Variants in SLC4A8 observed in about 807,000 individuals in gnomAD.
The protein encoded by SLC4A8 is solute carrier family 4 member 8, also known as electroneutral sodium bicarbonate exchanger 1.
Under a neutral mutation model 125.0 loss-of-function variants are expected in SLC4A8, and 40 were observed. That is an observed-to-expected ratio of 0.32 (90% CI 0.25 to 0.42). The LOEUF is 0.42. Among genes scored for constraint, SLC4A8 ranks in the 10% least tolerant of loss-of-function variants. The pLI, the probability that SLC4A8 is intolerant of heterozygous loss-of-function variation, is 1.00. For missense variants in SLC4A8, 863 were observed against 1,355.1 expected, an observed-to-expected ratio of 0.64 and a Z score of 5.70; for synonymous variants, 456 against 476.0, an observed-to-expected ratio of 0.96 and a Z score of 0.55.
At chr12:51,400,737 T>TAC (rs1948359451) in intron 1 of SLC4A8, among the ~76,000 whole-genome samples, 1 of 352 alleles carries the variant, frequency 2.8e-3, no homozygotes, top group Admixed American at 0.025. Flanking sequence ...TATATATATA[T>TAC]ATATATATAT....
At chr12:51,486,128 T>C (rs1325525941) in intron 17 of SLC4A8, among the ~76,000 whole-genome samples, 1 of 152,078 alleles carries the variant, frequency 6.6e-6, no homozygotes, top group Non-Finnish European at 1.5e-5. Flanking sequence ...GAATGAAAAG[T>C]ATTATTATTA....
intron 13 of SLC4A8, among the ~76,000 whole-genome samples, chr12:51,471,068 A>T (rs750903619): frequency 6.6e-6 from 1 of 152,112 alleles, no homozygotes; most frequent in Non-Finnish European, 1.5e-5. Flanking sequence ...TATATGAGAC[A>T]ATTTCTTTTT....
intron 13 of SLC4A8, 111 bp from the exon 14 acceptor site, chr12:51,471,176 T>C (rs940067083): frequency 1.5e-5 from 15 of 981,940 alleles, no homozygotes; most frequent in Non-Finnish European, 2.0e-5. Context: ...GAATTAGGGA[T>C]AAACTGGGTT....
At chr12:51,393,544 T>C (rs1948201331) in intron 1 of SLC4A8, among the ~76,000 whole-genome samples, 1 of 152,200 alleles carries the variant, frequency 6.6e-6, no homozygotes, top group Admixed American at 6.5e-5. Context: ...TTTTCTAACC[T>C]GAGACTCCAA....
In SLC4A8 at chr12:51,471,425, C is replaced by A; in HGVS notation, c.1797C>A (p.Ser599=). 1 of 1,614,150 alleles carries A rather than the reference C, an allele frequency of 6.2e-7. No individual in the cohort carries two copies. Among genetic ancestry groups the A allele is most frequent in the Non-Finnish European group, 8.5e-7 (1 of 1,180,018 alleles). ...GTTTCACTGAAGAAGCATTTGCCTC[C>A]CTAATTTGCATTATTTTCATCTATG... ...ITRFTEEAFA[S]LICIIFIYEA... The change falls in exon 14 of 25, where the codon TCC becomes TCA. Residue 599 remains serine (S), a synonymous_variant. Coordinates refer to ENST00000453097, the MANE Select transcript of SLC4A8 (RefSeq NM_001039960.3).
intron 1 of SLC4A8, among the ~76,000 whole-genome samples, chr12:51,426,331 C>T (rs115482769): frequency 0.015 from 2,244 of 152,262 alleles, 72 homozygotes; most frequent in African/African-American, 0.052. Context: ...TATTCAATCT[C>T]TGTTTGGGAT....
At chr12:51,400,738 A>G (rs1221764728) in intron 1 of SLC4A8, among the ~76,000 whole-genome samples, 14 of 296 alleles carry the variant, frequency 0.047, 1 homozygote, top group Admixed American at 0.18. Flanking sequence ...ATATATATAT[A>G]TATATATATA....
chr12:51,503,315 C>T (rs1592282503), intron 22 of SLC4A8, among the ~76,000 whole-genome samples: 2 of 151,670 alleles, frequency 1.3e-5, no homozygotes, highest in East Asian at 1.9e-4. Context: ...ACCTCCGACT[C>T]CCGGGTTCAC....
chr12:51,442,160 G>A (rs1391072457), intron 2 of SLC4A8, among the ~76,000 whole-genome samples: 1 of 152,146 alleles, frequency 6.6e-6, no homozygotes, highest in African/African-American at 2.4e-5. Context: ...GTGAGGCTGG[G>A]GAGAGAATCC....
intron 17 of SLC4A8, among the ~76,000 whole-genome samples, chr12:51,488,358 G>T (rs1266171647): frequency 6.6e-6 from 1 of 152,160 alleles, no homozygotes; most frequent in Non-Finnish European, 1.5e-5. Context: ...TAGAAGGAAA[G>T]GGGAGGTCTG....
At chr12:51,437,178 CTT>C (rs1428734296) in intron 1 of SLC4A8, among the ~76,000 whole-genome samples, 1 of 152,180 alleles carries the variant, frequency 6.6e-6, no homozygotes, top group Non-Finnish European at 1.5e-5. Context: ...GCCTCAAAAA[CTT>C]TATTTCAATC....
At position 51,451,035 on chromosome 12, in the gene SLC4A8, G is replaced by A; in HGVS notation, c.277+13G>A. 6.8e-7 allele frequency: 1 copy of A among 1,476,296 alleles called. No individual in the cohort carries two copies. The allele number at this position is 1,476,296 out of a possible 1,614,324, so 91.4% of individuals were successfully genotyped here. A position where few individuals can be genotyped will look rare whatever the true frequency, so the allele number is the denominator to read the frequency against. Reference sequence around the variant, plus strand: ...GCCCTGGCCCACGGTAAGGGCCTTGGGAGACAGGGCGGGTGTCCATGGCCC... The same window carrying A: ...GCCCTGGCCCACGGTAAGGGCCTTGAGAGACAGGGCGGGTGTCCATGGCCC... On this transcript the variant is annotated intron_variant, in intron 3 of 24. Coordinates refer to ENST00000453097, the MANE Select transcript of SLC4A8 (RefSeq NM_001039960.3).
intron 2 of SLC4A8, chr12:51,450,653 T>C (rs1949935393): frequency 1.9e-6 from 1 of 529,564 alleles, no homozygotes; most frequent in Non-Finnish European, 3.3e-6. Context: ...CTTCACAAGA[T>C]CCCTGTGAAG....
chr12:51,425,176 C>A (rs1050738767), intron 1 of SLC4A8, 141 bp downstream of exon 1: 2 of 1,425,862 alleles, frequency 1.4e-6, no homozygotes, highest in Non-Finnish European at 9.1e-7. Flanking sequence ...CCCGGGACAC[C>A]AGGGGGCGCT....
At chr12:51,469,483 A>G (rs1950627616) in intron 11 of SLC4A8, 131 bp from the exon 12 acceptor site, 6 of 698,246 alleles carry the variant, frequency 8.6e-6, no homozygotes, top group Non-Finnish European at 1.4e-5. Flanking sequence ...AGTTATCTGT[A>G]CTGGGGTCAA....
rs1265090850 is a variant in SLC4A8 at position 51,507,908 on chromosome 12, C to CT, written c.*471dup. On this transcript the variant is annotated 3_prime_UTR_variant, in exon 25 of 25. Coordinates refer to ENST00000453097, the MANE Select transcript of SLC4A8 (RefSeq NM_001039960.3). ...TCTGGCTCTCCAGTGCTCTTAGTGT[C>CT]TACAGGCTCCTAGGCAGCCCTGGGC... 6.5e-6 allele frequency: 1 copy of CT among 152,822 alleles called. No homozygotes were observed. Among genetic ancestry groups the CT allele is most frequent in the African/African-American group, 2.4e-5 (1 of 41,488 alleles). The allele number at this position is 152,822 out of a possible 1,614,324, so 9.5% of individuals were successfully genotyped here. A position where few individuals can be genotyped will look rare whatever the true frequency, so the allele number is the denominator to read the frequency against.
chr12:51,478,159 C>T lies in SLC4A8; in HGVS notation c.2172+2953C>T, dbSNP rs145532626. On this transcript the variant is annotated intron_variant, in intron 16 of 24. Transcript: ENST00000453097. ...GCATGGTGGCGGGCGCCTCTAGTCC[C>T]AGCTACTCGGGAGGCTGAGGCAGGA... Among the ~76,000 whole-genome samples the T allele has an allele frequency of 4.2e-3, 635 of 152,136 alleles. 6 individuals are homozygous for T. Among genetic ancestry groups the T allele is most frequent in the African/African-American group, 0.014 (592 of 41,494 alleles).
At chr12:51,424,052 A>C (rs1948868345), upstream of SLC4A8, among the ~76,000 whole-genome samples, 1 of 46,854 alleles carries the variant, frequency 2.1e-5, no homozygotes, top group Non-Finnish European at 5.4e-5. Context: ...AAAAAAAAAA[A>C]ACAAAAAAAA....
chr12:51,468,755 G>A (rs1419882447), intron 11 of SLC4A8, among the ~76,000 whole-genome samples: 1 of 152,120 alleles, frequency 6.6e-6, no homozygotes, highest in Non-Finnish European at 1.5e-5. Context: ...GTGAGACTCC[G>A]TCTCAAAAAA....
Sources: gnomAD v4.1 joint callset for allele counts (sites outside exome capture counted in the v4.1 genomes callset) on GRCh38, gnomAD v4.1.1 for gene constraint, MANE v1.5 for transcripts, NCBI Gene and HGNC (gene_info 2026-07-23, HGNC 2026-07-21) for gene names.